GALNT13: variants seen among roughly 807,000 people sequenced by gnomAD.
GALNT13 encodes UDP-GalNAc:polypeptide N-acetylgalactosaminyltransferase 13.
In GALNT13, 28 loss-of-function variants were observed where a neutral mutation model predicts 64.2. That is an observed-to-expected ratio of 0.44 (90% CI 0.32 to 0.60). The LOEUF (loss-of-function observed/expected upper bound fraction) is 0.60, where lower values mean the gene tolerates loss of function less well. Ranked by LOEUF, GALNT13 falls within the 20% of genes least tolerant of loss-of-function variation. GALNT13 has a pLI of 0.05. For synonymous variants in GALNT13, 214 were observed against 224.6 expected (o/e 0.95, Z 0.42); for missense variants, 577 against 669.8 (o/e 0.86, Z 1.53).
chr2:153,083,587 AT>A, the GALNT13 span, among the ~76,000 whole-genome samples: 3 of 148,336 alleles, frequency 2.0e-5, no homozygotes, highest in Non-Finnish European at 4.5e-5. Context: ...TGATGGTATT[AT>A]TTTTTTTTCA....
In GALNT13 at chr2:154,062,575, G is replaced by A. The variant is rs79373776; in HGVS notation, c.143-77762G>A. Among the ~76,000 whole-genome samples the A allele has an allele frequency of 7.6e-3, 1,162 of 152,260 alleles. 15 individuals are homozygous for A. Among genetic ancestry groups the A allele is most frequent in the African/African-American group, 0.026 (1,100 of 41,558 alleles). ...AATACCTCTCACCATGCAGGAAACA[G>A]AGAGAGAAGGAAGTGGGAAGTGCTA... is the stretch of plus-strand genomic sequence containing the variant. On this transcript the variant is annotated intron_variant, in intron 3 of 12. Coordinates refer to ENST00000392825, the MANE Select transcript of GALNT13 (RefSeq NM_052917.4).
intron 9 of GALNT13, among the ~76,000 whole-genome samples, chr2:154,340,525 A>G (rs1007444324): frequency 1.3e-5 from 2 of 152,062 alleles, no homozygotes; most frequent in Non-Finnish European, 2.9e-5. Context: ...TCATTTCTTT[A>G]TTATTCCGTG....
the GALNT13 span, among the ~76,000 whole-genome samples, chr2:153,508,723 G>T: frequency 0.055 from 8,408 of 152,192 alleles, 768 homozygotes; most frequent in African/African-American, 0.19. Flanking sequence ...TTCCTTCAAA[G>T]GGTTTATGGA....
chr2:153,959,854 G>C (rs1020060061), intron 3 of GALNT13, among the ~76,000 whole-genome samples: 1 of 152,018 alleles, frequency 6.6e-6, no homozygotes, highest in African/African-American at 2.4e-5. Flanking sequence ...TTACTGCTGG[G>C]GTGGGAGAGG....
At chr2:153,181,983 A>T in the GALNT13 span, among the ~76,000 whole-genome samples, 1 of 150,826 alleles carries the variant, frequency 6.6e-6, no homozygotes, top group East Asian at 1.9e-4. Flanking sequence ...ATTATTATTT[A>T]TTCAGCTTGA....
intron 3 of GALNT13, among the ~76,000 whole-genome samples, chr2:154,072,204 A>G (rs758321972): frequency 6.6e-6 from 1 of 152,122 alleles, no homozygotes; most frequent in South Asian, 2.1e-4. Flanking sequence ...GCGGATAGCC[A>G]AAGAAATTTA....
chr2:153,181,718 A>G, the GALNT13 span, among the ~76,000 whole-genome samples: 1 of 145,674 alleles, frequency 6.9e-6, no homozygotes, highest in Non-Finnish European at 1.5e-5. Flanking sequence ...ATATAATTAT[A>G]TTGATAAATA....
intron 3 of GALNT13, among the ~76,000 whole-genome samples, chr2:154,074,179 A>C (rs1700876207): frequency 6.6e-6 from 1 of 151,874 alleles, no homozygotes; most frequent in Non-Finnish European, 1.5e-5. Flanking sequence ...AAAGTGTCCT[A>C]AGATAAAAAA....
At chr2:154,187,394 AC>A (rs1686314694) in intron 4 of GALNT13, among the ~76,000 whole-genome samples, 2 of 151,302 alleles carry the variant, frequency 1.3e-5, no homozygotes, top group Non-Finnish European at 3.0e-5. Context: ...ACACACACAC[AC>A]ACACACACAC....
chr2:153,634,577 G>A, the GALNT13 span, among the ~76,000 whole-genome samples: 3 of 130,988 alleles, frequency 2.3e-5, no homozygotes, highest in East Asian at 2.3e-4. Context: ...CTGAGATGGA[G>A]TCTCGCTCTG....
intron 9 of GALNT13, among the ~76,000 whole-genome samples, chr2:154,323,036 A>G (rs1694706649): frequency 6.6e-6 from 1 of 151,970 alleles, no homozygotes; most frequent in Non-Finnish European, 1.5e-5. Context: ...CAAATGTTTC[A>G]AGGGGCCTAC....
the GALNT13 span, among the ~76,000 whole-genome samples, chr2:153,783,609 C>A: frequency 6.6e-6 from 1 of 152,050 alleles, no homozygotes; most frequent in African/African-American, 2.4e-5. Context: ...TCGCTGTGTG[C>A]CCACCCAGAA....
At chr2:153,940,688 A>G (rs1400451283) in intron 2 of GALNT13, among the ~76,000 whole-genome samples, 17 of 152,176 alleles carry the variant, frequency 1.1e-4, no homozygotes, top group Admixed American at 9.8e-4. Context: ...TTATTTGGTC[A>G]TTAGTTCACA....
chr2:154,096,885 G>T (rs377341266), intron 3 of GALNT13, among the ~76,000 whole-genome samples: 11 of 152,092 alleles, frequency 7.2e-5, no homozygotes, highest in African/African-American at 2.6e-4. Context: ...GGGCAAAATT[G>T]CCCTGTTAAT....
chr2:153,141,592 A>G, the GALNT13 span, among the ~76,000 whole-genome samples: 10 of 152,036 alleles, frequency 6.6e-5, no homozygotes, highest in African/African-American at 2.4e-4. Context: ...TCTTGGTTCT[A>G]CCTACCTGGA....
chr2:154,245,890 TG>T lies in GALNT13; in HGVS notation c.770del (p.Gly257ValfsTer6). The T allele has an allele frequency of 3.1e-6, 5 of 1,613,054 alleles. No homozygotes were observed. The highest frequency in any genetic ancestry group is 4.2e-6 in the Non-Finnish European group (5 of 1,179,192). ...EYMAGSDMTYGGFNWKLNFRW... is the reference protein window; with the variant it reads ...EYMAGSDMTYXGFNWKLNFRW... ...ATATGGCTGGGTCAGACATGACTTATGGGGGTTTTAACTGGAAACTGAATTT... is the reference window on the plus strand; with the variant it reads ...ATATGGCTGGGTCAGACATGACTTATGGGGTTTTAACTGGAAACTGAATTT... On this transcript the variant is annotated frameshift_variant, in exon 7 of 13. Transcript: ENST00000392825. LOFTEE classifies it high-confidence loss of function.
chr2:154,009,936 A>AT (rs111595707), intron 3 of GALNT13, among the ~76,000 whole-genome samples: 38,583 of 151,828 alleles, frequency 0.25, 6,835 homozygotes, highest in East Asian at 0.82. Flanking sequence ...GAATGGGATT[A>AT]TGTTCTTGAT....
chr2:153,396,204 G>C, the GALNT13 span, among the ~76,000 whole-genome samples: 1 of 152,038 alleles, frequency 6.6e-6, no homozygotes, highest in African/African-American at 2.4e-5. Context: ...AATTACACAT[G>C]TTTTGACTTA....
chr2:153,693,976 C>T, the GALNT13 span, among the ~76,000 whole-genome samples: 46 of 152,036 alleles, frequency 3.0e-4, 2 homozygotes, highest in East Asian at 6.8e-3. Context: ...GGCGTGGTGG[C>T]GGGCACCTGT....
Sources: gnomAD v4.1 joint callset for allele counts (sites outside exome capture counted in the v4.1 genomes callset) on GRCh38, gnomAD v4.1.1 for gene constraint, MANE v1.5 for transcripts, NCBI Gene and HGNC (gene_info 2026-07-23, HGNC 2026-07-21) for gene names.